The following GPR137B variants were observed in gnomAD, a reference collection of about 807,000 sequenced individuals.
GPR137B encodes integral membrane protein GPR137B.
Under a neutral mutation model 42.5 loss-of-function variants are expected in GPR137B, and 42 were observed. The observed-to-expected ratio is 0.99, with a 90% CI of 0.77 to 1.28. The LOEUF is 1.28. GPR137B is among the 50% of genes most tolerant of loss of function. The pLI is 0.00. For synonymous variants in GPR137B, 218 were observed against 209.7 expected (o/e 1.04, Z -0.34); for missense variants, 487 against 493.9 (o/e 0.99, Z 0.13).
chr1:236,157,866 T>G (rs1481808649), intron 1 of GPR137B, among the ~76,000 whole-genome samples: 1 of 152,162 alleles, frequency 6.6e-6, no homozygotes, highest in Non-Finnish European at 1.5e-5. Flanking sequence ...TAGAACTGTG[T>G]GTATCAACAT....
rs1663743776 is a variant in GPR137B, at chr1:236,208,803, G to A, written c.*645G>A. 3.0e-6 allele frequency: 3 copies of A among 984,872 alleles called. No individual in the cohort carries two copies. Among genetic ancestry groups the A allele is most frequent in the South Asian group, 9.4e-5 (2 of 21,268 alleles). The allele number at this position is 984,872 out of a possible 1,614,324, so 61.0% of individuals were successfully genotyped here. A position where few individuals can be genotyped will look rare whatever the true frequency, so the allele number is the denominator to read the frequency against. The stretch of plus-strand genomic sequence containing the variant: ...TCTCTTAAGTTTTGCCCAAAGACTG[G>A]TACTTCCTTTCAGTAGGGCGCTAAT... On this transcript the variant is annotated 3_prime_UTR_variant, in exon 7 of 7. Transcript: ENST00000366592.
rs567620882 is a variant in GPR137B, at chr1:236,174,273, T to A, written c.465-4141T>A. ...CAAAGCCTCCTAAAGGCTCTGAGAA[T>A]AGGATTTGATAGATAAAAATCAAGA... On this transcript the variant is annotated intron_variant, in intron 2 of 6. Transcript: ENST00000366592. Among the ~76,000 whole-genome samples the A allele has an allele frequency of 1.4e-4, 22 of 152,266 alleles. No individual in the cohort carries two copies. In the South Asian group the frequency reaches 3.5e-3, roughly 24 times the overall value.
At chr1:236,178,785 G>GGTTTTTTTTTTTTTTTTTT (rs1662771288) in intron 3 of GPR137B, 149 bp downstream of exon 3, 3 of 48,310 alleles carry the variant, frequency 6.2e-5, no homozygotes, top group African/African-American at 2.0e-4. Context: ...GCTACTCGAG[G>GGTTTTTTTTTTTTTTTTTT]TTTTTTTTTT....
chr1:236,206,103 T>G (rs2102928567), intron 6 of GPR137B, among the ~76,000 whole-genome samples: 1 of 152,388 alleles, frequency 6.6e-6, no homozygotes, highest in South Asian at 2.1e-4. Flanking sequence ...GGTATTTATT[T>G]GGTCTCAATT....
rs1272956442 is a variant in GPR137B at position 236,171,774 on chromosome 1, G to C, written c.464+3019G>C. On this transcript the variant is annotated intron_variant, in intron 2 of 6. Coordinates refer to ENST00000366592, the MANE Select transcript of GPR137B (RefSeq NM_003272.4). This position sits in a 1 kb window ranked among gnomAD's most constrained non-coding sequence, Gnocchi z 4.4. ...AGTGAGATGTTTGGGACTGGGCGCG[G>C]TGGCTCATGCCTGTAATCCCAGCAC... Among the ~76,000 whole-genome samples the C allele has an allele frequency of 6.6e-6, 1 of 152,184 alleles. No homozygotes were observed. The highest frequency in any genetic ancestry group is 1.5e-5 in the Non-Finnish European group (1 of 68,040).
At position 236,196,651 on chromosome 1, in the gene GPR137B, T is replaced by C. The variant is rs1663346937; in HGVS notation, c.967-8475T>C. Among the ~76,000 whole-genome samples the C allele has an allele frequency of 2.0e-5, 3 of 152,262 alleles. No homozygotes were observed. In the South Asian group the frequency reaches 6.2e-4, roughly 32 times the overall value. ...CAGGTCCCCAATTCCATTATATTGC[T>C]CTTATCCCTTTGCATCTTCATAGCT... On this transcript the variant is annotated intron_variant, in intron 5 of 6. Coordinates refer to ENST00000366592, the MANE Select transcript of GPR137B (RefSeq NM_003272.4).
At chr1:236,187,698 T>TTGGTACCAGTACCATGCTGTTC (rs1233122518) in intron 5 of GPR137B, among the ~76,000 whole-genome samples, 1 of 150,628 alleles carries the variant, frequency 6.6e-6, no homozygotes, top group Non-Finnish European at 1.5e-5. Flanking sequence ...TATATCTGTT[T>TTGGTACCAGTACCATGCTGTTC]TGGTACCAGT....
intron 2 of GPR137B, among the ~76,000 whole-genome samples, chr1:236,175,404 A>C (rs1397346013): frequency 1.3e-5 from 2 of 152,126 alleles, no homozygotes; most frequent in Non-Finnish European, 2.9e-5. Context: ...CTCAAGGGTC[A>C]ACTGTATTTC....
At chr1:236,175,658 CT>C (rs1215136420) in intron 2 of GPR137B, among the ~76,000 whole-genome samples, 12 of 152,194 alleles carry the variant, frequency 7.9e-5, no homozygotes, top group Non-Finnish European at 1.5e-4. Flanking sequence ...CCATACCCCC[CT>C]CCCCTGATTC....
chr1:236,208,286 A>G lies in GPR137B; in HGVS notation c.*128A>G, dbSNP rs143612620. The stretch of plus-strand genomic sequence containing the variant: ...GATTTTTATTTGTTACAGGTTTCCA[A>G]TGGCCCCATAGGAATAAGCAATAAT... On this transcript the variant is annotated 3_prime_UTR_variant, in exon 7 of 7. Coordinates refer to ENST00000366592, the MANE Select transcript of GPR137B (RefSeq NM_003272.4). 1,297 of 1,461,988 alleles carry G rather than the reference A, an allele frequency of 8.9e-4. 1 individual carries two copies. The highest frequency in any genetic ancestry group is 3.6e-3 in the African/African-American group (250 of 70,400). The allele number at this position is 1,461,988 out of a possible 1,614,324, so 90.6% of individuals were successfully genotyped here.
At chr1:236,169,331 G>A (rs1397607556) in intron 2 of GPR137B, among the ~76,000 whole-genome samples, 2 of 152,174 alleles carry the variant, frequency 1.3e-5, no homozygotes, top group African/African-American at 4.8e-5. Flanking sequence ...GGTAGGCTCC[G>A]GCTCCTTGTT....
At chr1:236,167,160 G>A (rs1343368611) in intron 1 of GPR137B, among the ~76,000 whole-genome samples, 1 of 152,182 alleles carries the variant, frequency 6.6e-6, no homozygotes, top group Non-Finnish European at 1.5e-5. Context: ...TATTCAAAGT[G>A]TGCACCGTGA....
chr1:236,160,645 GT>G (rs1316005428), intron 1 of GPR137B, among the ~76,000 whole-genome samples: 1 of 152,174 alleles, frequency 6.6e-6, no homozygotes, highest in East Asian at 1.9e-4. Flanking sequence ...TTGGAAAGCA[GT>G]TTATGCTCTT....
chr1:236,199,342 G>A (rs564054902), intron 5 of GPR137B, among the ~76,000 whole-genome samples: 31 of 151,970 alleles, frequency 2.0e-4, no homozygotes, highest in Non-Finnish European at 4.4e-4. Flanking sequence ...TGTTCATCAG[G>A]GATAAACATA....
At chr1:236,148,323 C>T (rs903453229) in intron 1 of GPR137B, among the ~76,000 whole-genome samples, 2 of 152,166 alleles carry the variant, frequency 1.3e-5, no homozygotes, top group Non-Finnish European at 2.9e-5. Context: ...GTTGATGTGG[C>T]GGTGGGCTCG....
chr1:236,174,761 C>T lies in GPR137B; in HGVS notation c.465-3653C>T, dbSNP rs563295548. 4.6e-5 allele frequency among the ~76,000 whole-genome samples: 7 copies of T among 152,200 alleles called. No homozygotes were observed. In the East Asian group the frequency reaches 1.2e-3, roughly 25 times the overall value. On this transcript the variant is annotated intron_variant, in intron 2 of 6. Transcript: ENST00000366592. ...ACTCAGGAGGCTGAAGTGGGAGAAT[C>T]GCTCGAGCCCAGGAGTTCAAGGCTG...
intron 5 of GPR137B, 111 bp downstream of exon 5, chr1:236,184,017 T>C: frequency 1.4e-6 from 1 of 696,680 alleles, no homozygotes; most frequent in Non-Finnish European, 2.4e-6. Flanking sequence ...CCTTTTGTGG[T>C]GGTATGAAAA....
chr1:236,202,270 G>C (rs1440846429), intron 5 of GPR137B, among the ~76,000 whole-genome samples: 1 of 152,092 alleles, frequency 6.6e-6, no homozygotes, highest in Non-Finnish European at 1.5e-5. Context: ...CAGGACCACT[G>C]TTTAGCCAGG....
intron 2 of GPR137B, among the ~76,000 whole-genome samples, chr1:236,175,947 A>G (rs571503476): frequency 2.5e-4 from 38 of 152,334 alleles, no homozygotes; most frequent in African/African-American, 9.1e-4. Context: ...AAACACTCCC[A>G]TGTTGAATGC....
Sources: allele counts gnomAD v4.1 joint callset (sites outside exome capture counted in the v4.1 genomes callset), GRCh38; gene constraint gnomAD v4.1.1; non-coding constraint Gnocchi (gnomAD v3.1); transcripts MANE v1.5; gene names NCBI Gene and HGNC (gene_info 2026-07-23, HGNC 2026-07-21).